Variants in CBX5 observed in about 807,000 individuals in gnomAD.
CBX5 encodes the protein chromobox protein homolog 5.
CBX5 carries 7 observed loss-of-function variants against 20.7 expected under a neutral mutation model. The observed-to-expected ratio is 0.34, with a 90% CI of 0.19 to 0.63. The LOEUF (loss-of-function observed/expected upper bound fraction) is 0.63. Among genes scored for constraint, CBX5 ranks in the 30% least tolerant of loss-of-function variants. CBX5 has a pLI of 0.75. For synonymous variants in CBX5, 78 were observed against 77.0 expected (o/e 1.01, Z -0.07); for missense variants, 110 against 224.1 (o/e 0.49, Z 3.25).
At chr12:54,271,919 G>A (rs914632366) in intron 1 of CBX5, 2 of 152,070 alleles carry the variant, frequency 1.3e-5, no homozygotes, top group African/African-American at 4.8e-5. Context: ...CATAAATGAG[G>A]TTTGCTATGT....
intron 1 of CBX5, among the ~76,000 whole-genome samples, chr12:54,261,241 A>G (rs1592161156): frequency 6.6e-6 from 1 of 151,874 alleles, no homozygotes; most frequent in East Asian, 1.9e-4. Flanking sequence ...GGTGACTATT[A>G]CGACTGTCAA....
rs1943604174 is a variant in CBX5, at chr12:54,234,941, G to A, written c.*6814C>T. Reference sequence around the variant, plus strand: ...GAAAACAACCAAAGTCAAGCACAATGTTAAAGTGACAAGTTGAAGTAACTC... The same window carrying A: ...GAAAACAACCAAAGTCAAGCACAATATTAAAGTGACAAGTTGAAGTAACTC... On this transcript the variant is annotated 3_prime_UTR_variant, in exon 5 of 5. Coordinates refer to ENST00000209875, the MANE Select transcript of CBX5 (RefSeq NM_012117.3). 6.6e-6 allele frequency: 1 copy of A among 152,194 alleles called. No individual in the cohort carries two copies. The highest frequency in any genetic ancestry group is 1.5e-5 in the Non-Finnish European group (1 of 68,024). 9.4% of individuals were successfully genotyped at this position (152,194 alleles called of 1,614,324 possible).
Position 54,257,508 on chromosome 12 carries a change from A to G in CBX5, c.137+6T>C, listed in dbSNP as rs761835503. 16 of 1,613,998 alleles carry G rather than the reference A, an allele frequency of 9.9e-6. No homozygotes were observed. The Middle Eastern group carries it at 4.9e-4, about 50-fold the overall frequency. The stretch of plus-strand genomic sequence containing the variant: ...TCCCAACGCCTGGGGGAAAAAAGGA[A>G]CTTACTCAGAAAAGCCTTTCCACTT... On this transcript the variant is annotated splice_donor_region_variant and intron_variant, in intron 2 of 4. Coordinates refer to ENST00000209875, the MANE Select transcript of CBX5 (RefSeq NM_012117.3).
chr12:54,246,093 A>C lies in CBX5; in HGVS notation c.425+22T>G, dbSNP rs933449235. ...CACTGGCAAAGAAACACAATTGTAA[A>C]GCGAAGCCAAATCTCTCTCACCATT... On this transcript the variant is annotated intron_variant, in intron 4 of 4. Transcript: ENST00000209875. 3 of 1,535,970 alleles carry C rather than the reference A, an allele frequency of 2.0e-6. No individual in the cohort carries two copies. The African/African-American group carries it at 4.1e-5, about 21-fold the overall frequency.
chr12:54,245,801 A>C (rs977268662), intron 4 of CBX5, among the ~76,000 whole-genome samples: 2 of 151,826 alleles, frequency 1.3e-5, no homozygotes, highest in African/African-American at 4.8e-5. Flanking sequence ...ATAAATAAAT[A>C]AATAAATAAA....
intron 1 of CBX5, chr12:54,259,401 T>C (rs552456627): frequency 6.6e-6 from 1 of 152,486 alleles, no homozygotes; most frequent in Non-Finnish European, 1.5e-5. Context: ...AGGATTTACA[T>C]GTGTTCTTCA....
rs578130672 is a variant in CBX5 at position 54,269,065 on chromosome 12, C to A, written c.-43+10943G>T. 2.7e-4 allele frequency among the ~76,000 whole-genome samples: 41 copies of A among 152,252 alleles called. 1 individual carries two copies. Among genetic ancestry groups the A allele is most frequent in the African/African-American group, 2.4e-5 (1 of 41,556 alleles). Reference sequence around the variant, plus strand: ...ATCACGAGGTCAGGAGAGAGACCATCCCAGCTAACACGGTGAAAGCCTGTC... The same window carrying A: ...ATCACGAGGTCAGGAGAGAGACCATACCAGCTAACACGGTGAAAGCCTGTC... On this transcript the variant is annotated intron_variant, in intron 1 of 4. Coordinates refer to ENST00000209875, the MANE Select transcript of CBX5 (RefSeq NM_012117.3).
rs983225148 is a variant in CBX5, at chr12:54,235,807, A to C, written c.*5948T>G. On this transcript the variant is annotated 3_prime_UTR_variant, in exon 5 of 5. Transcript: ENST00000209875. ...TCCAAAAGGGATGAGAAATTGAAAAAGGTGTGAGCAACTCTGGTAAAGTGT... is the reference window on the plus strand; with the variant it reads ...TCCAAAAGGGATGAGAAATTGAAAACGGTGTGAGCAACTCTGGTAAAGTGT... 13 of 152,214 alleles carry C rather than the reference A, an allele frequency of 8.5e-5. No homozygotes were observed. The East Asian group carries it at 9.6e-4, about 11-fold the overall frequency. The allele number at this position is 152,214 out of a possible 1,614,324, so 9.4% of individuals were successfully genotyped here.
Position 54,275,418 on chromosome 12 carries a change from T to A in CBX5, c.-43+4590A>T, listed in dbSNP as rs185591936. Among the ~76,000 whole-genome samples the A allele has an allele frequency of 1.8e-3, 273 of 152,068 alleles. 1 individual carries two copies. The East Asian group carries it at 0.029, about 16-fold the overall frequency. ...CACCACGCCCGGCTAATTTTTTGTA[T>A]TTTTAGCGGAGATGGGGTTTCACCG... On this transcript the variant is annotated intron_variant, in intron 1 of 4. Coordinates refer to ENST00000209875, the MANE Select transcript of CBX5 (RefSeq NM_012117.3).
Position 54,238,077 on chromosome 12 carries a change from C to T in CBX5, c.*3678G>A, listed in dbSNP as rs1313386356. The T allele has an allele frequency of 2.0e-5, 3 of 152,174 alleles. No homozygotes were observed. The highest frequency in any genetic ancestry group is 6.6e-5 in the Admixed American group (1 of 15,260). The allele number at this position is 152,174 out of a possible 1,614,324, so 9.4% of individuals were successfully genotyped here. ...TGGTGGCACACACCTGTAGTCCCAG[C>T]TACTCGAGAGGCTGAGGCAGGAGAA... On this transcript the variant is annotated 3_prime_UTR_variant, in exon 5 of 5. Coordinates refer to ENST00000209875, the MANE Select transcript of CBX5 (RefSeq NM_012117.3).
chr12:54,244,795 G>C (rs777840829), intron 4 of CBX5, among the ~76,000 whole-genome samples: 9 of 152,152 alleles, frequency 5.9e-5, no homozygotes, highest in Non-Finnish European at 1.2e-4. Context: ...TCTCTCTACT[G>C]GATGAAATAA....
At chr12:54,271,197 T>A (rs1282034629) in intron 1 of CBX5, among the ~76,000 whole-genome samples, 1 of 152,262 alleles carries the variant, frequency 6.6e-6, no homozygotes, top group Non-Finnish European at 1.5e-5. Flanking sequence ...TCTATAAATG[T>A]CAATTATATC....
At chr12:54,243,860 C>T (rs1324494654) in intron 4 of CBX5, among the ~76,000 whole-genome samples, 2 of 152,010 alleles carry the variant, frequency 1.3e-5, no homozygotes, top group South Asian at 2.1e-4. Flanking sequence ...TAAAGCAAGA[C>T]GCTGTCTCAA....
At chr12:54,277,230 C>T (rs1944078234) in intron 1 of CBX5, 1 of 151,494 alleles carries the variant, frequency 6.6e-6, no homozygotes, top group South Asian at 2.1e-4. Context: ...TTGAGACGGA[C>T]TCTTGCTTTG....
chr12:54,243,730 G>A (rs765767890), intron 4 of CBX5, among the ~76,000 whole-genome samples: 2 of 151,820 alleles, frequency 1.3e-5, no homozygotes, highest in East Asian at 2.0e-4. Flanking sequence ...TTGCCCAGGT[G>A]TGGTGGCACA....
intron 1 of CBX5, among the ~76,000 whole-genome samples, chr12:54,266,224 C>T (rs1943954980): frequency 6.6e-6 from 1 of 151,696 alleles, no homozygotes; most frequent in Admixed American, 6.6e-5. Context: ...ATGGCGAAAC[C>T]ACGTCTCTAC....
intron 1 of CBX5, among the ~76,000 whole-genome samples, chr12:54,279,725 A>T (rs1451549832): frequency 6.6e-6 from 1 of 152,034 alleles, no homozygotes; most frequent in Non-Finnish European, 1.5e-5. Flanking sequence ...GAAGGGGAAA[A>T]CCCGTCTCCC....
Position 54,241,553 on chromosome 12 carries a change from C to A in CBX5, c.*202G>T. 1 of 550,340 alleles carries A rather than the reference C, an allele frequency of 1.8e-6. No homozygotes were observed. Among genetic ancestry groups the A allele is most frequent in the Admixed American group, 3.7e-5 (1 of 27,024 alleles). 34.1% of individuals were successfully genotyped at this position (550,340 alleles called of 1,614,324 possible). On this transcript the variant is annotated 3_prime_UTR_variant, in exon 5 of 5. Transcript: ENST00000209875. Reference sequence around the variant, plus strand: ...TACACTCAGTATGTAAATGCCTGGTCTTCACAGAGAGACACTTATCATTAA... The same window carrying A: ...TACACTCAGTATGTAAATGCCTGGTATTCACAGAGAGACACTTATCATTAA...
At chr12:54,273,365 C>T (rs772883617) in intron 1 of CBX5, 2 of 152,226 alleles carry the variant, frequency 1.3e-5, no homozygotes, top group Non-Finnish European at 2.9e-5. Context: ...ATAGCTTGAA[C>T]CTGGGAGGCG....
Sources: gnomAD v4.1 joint callset for allele counts (sites outside exome capture counted in the v4.1 genomes callset) on GRCh38, gnomAD v4.1.1 for gene constraint, MANE v1.5 for transcripts, NCBI Gene and HGNC (gene_info 2026-07-23, HGNC 2026-07-21) for gene names.